HERC1: variants seen among roughly 807,000 people sequenced by gnomAD.
HERC1 encodes the protein HECT and RLD domain containing E3 ubiquitin protein ligase family member 1, also known as probable E3 ubiquitin-protein ligase HERC1.
A neutral mutation model predicts 554.3 loss-of-function variants in HERC1; 160 were observed. That is an observed-to-expected ratio of 0.29 (90% confidence interval 0.25 to 0.33). The LOEUF (loss-of-function observed/expected upper bound fraction) is 0.33. Among genes scored for constraint, HERC1 ranks in the 10% least tolerant of loss-of-function variants. The pLI is 1.00. For missense variants in HERC1, 4,919 were observed against 5,918.5 expected (o/e 0.83, Z 5.54); for synonymous variants, 2,175 against 2,131.7 (o/e 1.02, Z -0.56).
At chr15:63,624,363 A>G in intron 71 of HERC1, 36 bp from the exon 72 acceptor site, 1 of 1,521,430 alleles carries the variant, frequency 6.6e-7, no homozygotes, top group Non-Finnish European at 8.9e-7. Context: ...AAATGGTACA[A>G]TCTAGGCTTA....
At chr15:63,717,482 G>C (rs8026567) in intron 21 of HERC1, among the ~76,000 whole-genome samples, 11 of 152,144 alleles carry the variant, frequency 7.2e-5, no homozygotes, top group Non-Finnish European at 1.2e-4. Flanking sequence ...ATAATTTTAC[G>C]ATCATGTTAT....
intron 27 of HERC1, among the ~76,000 whole-genome samples, chr15:63,695,640 A>T (rs1303227413): frequency 6.6e-6 from 1 of 151,622 alleles, no homozygotes; most frequent in African/African-American, 2.4e-5. Context: ...CGACCACCTC[A>T]GCCTCCCAAA....
At chr15:63,681,103 G>C (rs1218994250) in intron 34 of HERC1, among the ~76,000 whole-genome samples, 1 of 152,248 alleles carries the variant, frequency 6.6e-6, no homozygotes, top group East Asian at 1.9e-4. Context: ...TTTACATATA[G>C]ATTTTAACTA....
At chr15:63,710,385 C>T (rs1163075545) in intron 24 of HERC1, among the ~76,000 whole-genome samples, 1 of 151,998 alleles carries the variant, frequency 6.6e-6, no homozygotes, top group African/African-American at 2.4e-5. Context: ...TAATAGGGCA[C>T]TTCAATTAAA....
Position 63,678,278 on chromosome 15 carries a change from C to A in HERC1, c.6637G>T (p.Ala2213Ser), listed in dbSNP as rs1408860245. The change falls in exon 37 of 78, where the codon GCT becomes TCT. Residue 2213 changes from alanine (A) to serine (S), a missense_variant. By Grantham distance (99) the Ala-to-Ser change is moderately conservative (BLOSUM62 1). Around this residue, in one of 11 missense-constraint regions of HERC1, gnomAD observed 1,963 missense variants for 2,228.6 expected, o/e 0.88. Coordinates refer to ENST00000443617, the MANE Select transcript of HERC1 (RefSeq NM_003922.4). ...CGGATGAGCTGAATAGTGGCCTCAGCCAGCACTGCTGCTACTGGACTACAA... is the reference window on the plus strand; with the variant it reads ...CGGATGAGCTGAATAGTGGCCTCAGACAGCACTGCTGCTACTGGACTACAA... ...PICSPVAAVL[A>S]EATIQLIRIL... 2 of 1,613,706 alleles carry A rather than the reference C, an allele frequency of 1.2e-6. No individual in the cohort carries two copies. The highest frequency in any genetic ancestry group is 1.1e-5 in the South Asian group (1 of 91,044).
chr15:63,650,337 G>A (rs1303425732), intron 53 of HERC1, among the ~76,000 whole-genome samples: 1 of 152,002 alleles, frequency 6.6e-6, no homozygotes, highest in Non-Finnish European at 1.5e-5. Context: ...TCACGCCACT[G>A]CACTCCAGCC....
rs1421492786 is a variant in HERC1 at position 63,641,541 on chromosome 15, T to C, written c.11536A>G (p.Met3846Val). 1.9e-6 allele frequency: 3 copies of C among 1,613,058 alleles called. No homozygotes were observed. The highest frequency in any genetic ancestry group is 1.3e-5 in the African/African-American group (1 of 74,926). The change falls in exon 60 of 78, where the codon ATG becomes GTG. Residue 3846 changes from methionine (M) to valine (V), a missense_variant. By Grantham distance (21) the Met-to-Val change is conservative. This residue lies in a region of HERC1 where 1,963 missense variants were observed against 2,228.6 expected (regional missense o/e 0.88). Transcript: ENST00000443617. ...AAAAATGCTCTCATGCAGGGAGCCA[T>C]GTTCAATCCCAGAACACCCTGCTGT... is the stretch of plus-strand genomic sequence containing the variant. ...LKQQGVLGLN[M>V]APCMRAFLER...
At chr15:63,705,616 T>C (rs2072961663) in intron 25 of HERC1, among the ~76,000 whole-genome samples, 2 of 152,126 alleles carry the variant, frequency 1.3e-5, no homozygotes, top group Non-Finnish European at 2.9e-5. Context: ...CATTCTGAAA[T>C]ACAAAAGATT....
intron 40 of HERC1, among the ~76,000 whole-genome samples, chr15:63,668,024 A>G (rs999375884): frequency 2.0e-5 from 3 of 152,180 alleles, no homozygotes; most frequent in Admixed American, 2.0e-4. Context: ...TGGTGCTGCA[A>G]TCCCTGCAAT....
chr15:63,822,911 T>G (rs926065058), intron 1 of HERC1, among the ~76,000 whole-genome samples: 1 of 152,208 alleles, frequency 6.6e-6, no homozygotes, highest in Non-Finnish European at 1.5e-5. Flanking sequence ...TCACTTAGGA[T>G]TCTAGCCTGA....
At chr15:63,706,952 AT>A in intron 24 of HERC1, 121 bp from the exon 25 acceptor site, 1 of 618,956 alleles carries the variant, frequency 1.6e-6, no homozygotes. Flanking sequence ...CTTATTCATC[AT>A]TCAAGTCAAA....
At chr15:63,726,706 A>G (rs2074054270) in intron 17 of HERC1, among the ~76,000 whole-genome samples, 1 of 152,214 alleles carries the variant, frequency 6.6e-6, no homozygotes, top group South Asian at 2.1e-4. Context: ...GTCTACAAAC[A>G]AAACACCAGG....
At chr15:63,662,865 G>A in intron 44 of HERC1, 119 bp downstream of exon 44, 1 of 692,830 alleles carries the variant, frequency 1.4e-6, no homozygotes, top group South Asian at 1.9e-5. Context: ...CCAAACCTCA[G>A]GATGAGATAA....
intron 2 of HERC1, among the ~76,000 whole-genome samples, chr15:63,769,990 G>A (rs1311465213): frequency 1.3e-5 from 2 of 152,122 alleles, no homozygotes; most frequent in African/African-American, 4.8e-5. Context: ...AGATTAGACG[G>A]AGTACATTTC....
chr15:63,778,266 T>C (rs2076171265), intron 1 of HERC1, among the ~76,000 whole-genome samples: 1 of 152,082 alleles, frequency 6.6e-6, no homozygotes, highest in Non-Finnish European at 1.5e-5. Flanking sequence ...GAAAGGCTAG[T>C]GAAGGGGGCT....
At chr15:63,622,756 T>A in intron 74 of HERC1, 59 bp downstream of exon 74, 1 of 1,331,460 alleles carries the variant, frequency 7.5e-7, no homozygotes, top group Non-Finnish European at 1.0e-6. Context: ...AAGCACTCAA[T>A]AAATGTGAGC....
intron 57 of HERC1, 100 bp from the exon 58 acceptor site, chr15:63,643,650 T>C (rs933164142): frequency 1.4e-5 from 12 of 887,480 alleles, no homozygotes; most frequent in Admixed American, 6.0e-5. Context: ...CAGAATAAAA[T>C]TGGCAAGGGG....
At chr15:63,708,378 T>C (rs1950173113) in intron 24 of HERC1, among the ~76,000 whole-genome samples, 1 of 152,216 alleles carries the variant, frequency 6.6e-6, no homozygotes, top group Admixed American at 6.5e-5. Flanking sequence ...TGGGCCAAGA[T>C]AAGAATATCT....
intron 2 of HERC1, among the ~76,000 whole-genome samples, chr15:63,768,953 G>A (rs1387008053): frequency 6.6e-6 from 1 of 152,146 alleles, no homozygotes; most frequent in South Asian, 2.1e-4. Flanking sequence ...AGAAAGAAGA[G>A]AAAATACTGG....
Sources: allele counts gnomAD v4.1 joint callset (sites outside exome capture counted in the v4.1 genomes callset), GRCh38; gene constraint gnomAD v4.1.1; regional missense constraint gnomAD v4.1.1; transcripts MANE v1.5; gene names NCBI Gene and HGNC (gene_info 2026-07-23, HGNC 2026-07-21).